The following ESR1 variants were observed in gnomAD, a reference collection of about 807,000 sequenced individuals.
The protein encoded by ESR1 is estrogen receptor.
In ESR1, 12 loss-of-function variants were observed where a neutral mutation model predicts 52.7. That is an observed-to-expected ratio of 0.23 (90% confidence interval 0.15 to 0.37). The LOEUF (loss-of-function observed/expected upper bound fraction) is 0.37, where lower values mean the gene tolerates loss of function less well. ESR1 is among the 10% of genes least tolerant of loss of function. The probability of loss-of-function intolerance (pLI) is 1.00; values close to 1 mark genes in which losing one functional copy is unlikely to be tolerated. For synonymous variants in ESR1, 305 were observed against 316.8 expected, an observed-to-expected ratio of 0.96 and a Z score of 0.39; for missense variants, 584 against 779.7, an observed-to-expected ratio of 0.75 and a Z score of 2.99.
At chr6:151,810,791 C>T (rs149300794) in intron 1 of ESR1, among the ~76,000 whole-genome samples, 1,699 of 152,260 alleles carry the variant, frequency 0.011, 10 homozygotes, top group Non-Finnish European at 0.018. Context: ...GTATTTCTTA[C>T]TGTGGATTGA....
chr6:151,719,473 G>A (rs1417258610), intron 2 of ESR1, among the ~76,000 whole-genome samples: 7 of 152,172 alleles, frequency 4.6e-5, no homozygotes, highest in Non-Finnish European at 1.0e-4. Flanking sequence ...GAAAGAGCCA[G>A]TGTTACGCCT....
At chr6:151,690,014 G>A (rs889035423), upstream of ESR1, among the ~76,000 whole-genome samples, 5 of 152,262 alleles carry the variant, frequency 3.3e-5, no homozygotes, top group African/African-American at 1.2e-4. Flanking sequence ...GGGCTGAAGA[G>A]TGTGAGAAGC....
chr6:152,127,703 GA>G (rs1464906021), exon 7 of ESR1: 5 of 152,154 alleles, frequency 3.3e-5, no homozygotes, highest in Admixed American at 2.0e-4. Context: ...CCTTAGAGGG[GA>G]GAGGCTCTGT....
At chr6:151,806,530 G>GTATATA (rs56020486), upstream of ESR1, among the ~76,000 whole-genome samples, 2,249 of 96,380 alleles carry the variant, frequency 0.023, 106 homozygotes, top group South Asian at 0.043. Flanking sequence ...TCCTTAATAT[G>GTATATA]TATATATATA....
chr6:151,839,307 C>G (rs1435439959), intron 1 of ESR1, among the ~76,000 whole-genome samples: 3 of 152,130 alleles, frequency 2.0e-5, no homozygotes, highest in Admixed American at 2.0e-4. Flanking sequence ...CCCTCGCACT[C>G]ATTAGGATGG....
intron 2 of ESR1, among the ~76,000 whole-genome samples, chr6:151,782,052 T>A (rs1211662745): frequency 6.6e-6 from 1 of 152,172 alleles, no homozygotes; most frequent in Admixed American, 6.5e-5. Flanking sequence ...TCTAGACAGG[T>A]CAATCATGGA....
intron 2 of ESR1, among the ~76,000 whole-genome samples, chr6:151,723,926 CT>C (rs1268937306): frequency 6.6e-6 from 1 of 151,820 alleles, no homozygotes; most frequent in African/African-American, 2.4e-5. Context: ...ATAAAATTTT[CT>C]AAAAAATAAA....
At chr6:151,700,871 A>C (rs928498262) in intron 1 of ESR1, among the ~76,000 whole-genome samples, 1 of 152,058 alleles carries the variant, frequency 6.6e-6, no homozygotes, top group Admixed American at 6.6e-5. Context: ...AAACCAAAAA[A>C]ACCCAGGGCC....
intron 1 of ESR1, among the ~76,000 whole-genome samples, chr6:151,697,363 T>C (rs79729082): frequency 0.019 from 2,943 of 152,338 alleles, 35 homozygotes; most frequent in East Asian, 0.032. Context: ...GTGCCACTGA[T>C]GTGCGCAGTG....
intron 3 of ESR1, among the ~76,000 whole-genome samples, chr6:151,912,081 G>A (rs1798351904): frequency 6.6e-6 from 1 of 152,184 alleles, no homozygotes; most frequent in Admixed American, 6.5e-5. Context: ...ACCATTTTGG[G>A]CAGTGCTACT....
At chr6:152,109,958 C>G (rs1350570901) in intron 6 of ESR1, among the ~76,000 whole-genome samples, 1 of 152,194 alleles carries the variant, frequency 6.6e-6, no homozygotes, top group East Asian at 1.9e-4. Flanking sequence ...TTTCTTTCTA[C>G]TGTGAGACAG....
At chr6:151,672,779 T>C (rs976317059) in intron 1 of ESR1, among the ~76,000 whole-genome samples, 3 of 151,282 alleles carry the variant, frequency 2.0e-5, no homozygotes, top group Non-Finnish European at 4.4e-5. Flanking sequence ...GCCCTAAACC[T>C]TTTTTAAAAA....
intron 3 of ESR1, among the ~76,000 whole-genome samples, chr6:151,901,492 G>T (rs1322136175): frequency 6.6e-6 from 1 of 152,190 alleles, no homozygotes; most frequent in Non-Finnish European, 1.5e-5. Flanking sequence ...ACAAAGTTCA[G>T]CTGGAGGTTT....
At chr6:151,889,912 T>G (rs1794447831) in intron 3 of ESR1, among the ~76,000 whole-genome samples, 3 of 152,174 alleles carry the variant, frequency 2.0e-5, no homozygotes, top group Non-Finnish European at 2.9e-5. Context: ...GACCCACTGG[T>G]TGGTTCTGAG....
intron 2 of ESR1, among the ~76,000 whole-genome samples, chr6:151,775,214 A>G (rs1303902634): frequency 6.6e-6 from 1 of 152,218 alleles, no homozygotes; most frequent in Non-Finnish European, 1.5e-5. Flanking sequence ...GGAGAGTAAT[A>G]CAAGTTGAAT....
intron 5 of ESR1, among the ~76,000 whole-genome samples, chr6:152,052,701 A>G (rs1371225053): frequency 6.6e-6 from 1 of 152,092 alleles, no homozygotes; most frequent in Non-Finnish European, 1.5e-5. Flanking sequence ...GACTGCAGAG[A>G]AGTTTCCCTG....
intron 6 of ESR1, among the ~76,000 whole-genome samples, chr6:152,093,189 C>CTGTT (rs2050325749): frequency 6.6e-6 from 1 of 151,440 alleles, no homozygotes; most frequent in Non-Finnish European, 1.5e-5. Flanking sequence ...AGGCAGAGAA[C>CTGTT]TGTTTAAACC....
chr6:152,027,601 T>G (rs943639929), intron 5 of ESR1, among the ~76,000 whole-genome samples: 1 of 152,226 alleles, frequency 6.6e-6, no homozygotes, highest in African/African-American at 2.4e-5. Context: ...AGTGATTGCT[T>G]CATTATTTTG....
intron 2 of ESR1, among the ~76,000 whole-genome samples, chr6:151,760,904 ACT>A (rs1784611766): frequency 6.6e-6 from 1 of 152,002 alleles, no homozygotes; most frequent in Non-Finnish European, 1.5e-5. Context: ...AAGATAAAAA[ACT>A]CTATGATTGA....
Sources: gnomAD v4.1 joint callset for allele counts (sites outside exome capture counted in the v4.1 genomes callset) on GRCh38, gnomAD v4.1.1 for gene constraint, MANE v1.5 for transcripts, NCBI Gene and HGNC (gene_info 2026-07-23, HGNC 2026-07-21) for gene names.